The following RNF121 variants were observed in gnomAD, a reference collection of about 807,000 sequenced individuals.
RNF121 encodes E3 ubiquitin ligase RNF121.
A neutral mutation model predicts 46.5 loss-of-function variants in RNF121; 21 were observed. The ratio of observed to expected loss-of-function variants is 0.45; its 90% CI spans 0.32 to 0.65. RNF121 has a LOEUF of 0.65. RNF121 is among the 30% of genes least tolerant of loss of function. The probability of loss-of-function intolerance (pLI) is 0.04; values close to 1 mark genes in which losing one functional copy is unlikely to be tolerated. For synonymous variants in RNF121, 139 were observed against 144.7 expected, an observed-to-expected ratio of 0.96 and a Z score of 0.28; for missense variants, 346 against 416.0, an observed-to-expected ratio of 0.83 and a Z score of 1.46.
At chr11:71,941,657 A>T (rs2134153256) in intron 1 of RNF121, among the ~76,000 whole-genome samples, 1 of 152,368 alleles carries the variant, frequency 6.6e-6, no homozygotes, top group South Asian at 2.1e-4. Flanking sequence ...AAAGCCTCTG[A>T]GGAAATGCTA....
At chr11:71,995,341 C>A in intron 7 of RNF121, 109 bp from the exon 8 acceptor site, 1 of 828,244 alleles carries the variant, frequency 1.2e-6, no homozygotes, top group Non-Finnish European at 2.0e-6. Flanking sequence ...ACTTGCCCAA[C>A]ATTACAGAGC....
intron 1 of RNF121, among the ~76,000 whole-genome samples, chr11:71,949,396 C>A (rs1050888341): frequency 6.6e-6 from 1 of 151,946 alleles, no homozygotes; most frequent in East Asian, 1.9e-4. Flanking sequence ...CCAGCTTGGG[C>A]GACAGAGTGA....
At position 71,982,887 on chromosome 11, in the gene RNF121, C is replaced by T. The variant is rs1954692420; in HGVS notation, c.370C>T (p.Arg124Ter). The T allele has an allele frequency of 6.2e-7, 1 of 1,612,694 alleles. No homozygotes were observed. The highest frequency in any genetic ancestry group is 8.5e-7 in the Non-Finnish European group (1 of 1,179,332). The change falls in exon 4 of 9, where the codon CGA (arginine) becomes TGA (stop). Residue 124 changes from arginine to a stop codon, truncating the protein, a stop_gained. Coordinates refer to ENST00000361756, the MANE Select transcript of RNF121 (RefSeq NM_018320.5). LOFTEE classifies it high-confidence loss of function. The stretch of plus-strand genomic sequence containing the variant: ...AGCCTTTGTTACCTTCCGAGCCACC[C>T]GAAAACCTCTAGTACAGACAACCCC... ...VTAFVTFRATRKPLVQTTPRL... is the reference protein window; with the variant it reads ...VTAFVTFRAT
intron 3 of RNF121, among the ~76,000 whole-genome samples, chr11:71,973,186 CAA>C (rs112904022): frequency 1.5e-5 from 2 of 135,904 alleles, no homozygotes. Flanking sequence ...AACTCCATCT[CAA>C]AAAAAAAAAA....
chr11:71,965,254 ATT>A (rs10707525), intron 3 of RNF121, among the ~76,000 whole-genome samples: 1,037 of 141,346 alleles, frequency 7.3e-3, no homozygotes, highest in African/African-American at 6.7e-3. Flanking sequence ...CTGCATAGTA[ATT>A]TTTTTTTTTT....
At chr11:71,984,745 ATTTTTTTT>A (rs56134788) in intron 4 of RNF121, among the ~76,000 whole-genome samples, 11 of 94,864 alleles carry the variant, frequency 1.2e-4, no homozygotes, top group East Asian at 1.1e-3. Flanking sequence ...CACCCGGCTA[ATTTTTTTT>A]TTTTTTTTTT....
At chr11:71,991,008 G>GA (rs1954854176) in intron 6 of RNF121, among the ~76,000 whole-genome samples, 1 of 152,122 alleles carries the variant, frequency 6.6e-6, no homozygotes, top group Admixed American at 6.5e-5. Context: ...TTATAAGTGG[G>GA]AACTAAACAT....
chr11:71,993,708 C>T lies in RNF121; in HGVS notation c.628-1011C>T, dbSNP rs191150749. On this transcript the variant is annotated intron_variant, in intron 6 of 8. Coordinates refer to ENST00000361756, the MANE Select transcript of RNF121 (RefSeq NM_018320.5). ...AGTTTCATATCTTTTGGGTTTATAC[C>T]GAGAATGGAATTGCTTGGTCATTTG... 1.2e-3 allele frequency among the ~76,000 whole-genome samples: 175 copies of T among 152,080 alleles called. 1 individual carries two copies. The highest frequency in any genetic ancestry group is 4.2e-3 in the African/African-American group (173 of 41,478).
chr11:71,949,295 A>G (rs942694130), intron 1 of RNF121, among the ~76,000 whole-genome samples: 6 of 151,720 alleles, frequency 4.0e-5, no homozygotes, highest in African/African-American at 1.2e-4. Flanking sequence ...GCACGTGCCT[A>G]TAGTCCCAGC....
Position 71,939,236 on chromosome 11 carries a change from A to G in RNF121, c.63+10112A>G. 2.6e-5 allele frequency: 5 copies of G among 192,852 alleles called. No homozygotes were observed. In the South Asian group the frequency reaches 4.4e-4, roughly 17 times the overall value. The allele number at this position is 192,852 out of a possible 1,614,324, so 11.9% of individuals were successfully genotyped here. On this transcript the variant is annotated intron_variant, in intron 1 of 8. Coordinates refer to ENST00000361756, the MANE Select transcript of RNF121 (RefSeq NM_018320.5). ...ACTGTTAAGTTCAGCATTACTCTGC[A>G]TTTTTAAGCATGTGCAGCAAAAATT...
intron 3 of RNF121, among the ~76,000 whole-genome samples, chr11:71,963,330 T>G (rs1016807233): frequency 6.6e-6 from 1 of 152,128 alleles, no homozygotes; most frequent in Non-Finnish European, 1.5e-5. Context: ...TTTGAAGAGT[T>G]TCATAGTCTT....
At chr11:71,949,193 G>A (rs990992954) in intron 1 of RNF121, among the ~76,000 whole-genome samples, 13 of 152,088 alleles carry the variant, frequency 8.5e-5, no homozygotes, top group Non-Finnish European at 1.6e-4. Context: ...TGGGGTGAGC[G>A]GGTCACTTGA....
At chr11:71,940,840 G>A (rs1261619703) in intron 1 of RNF121, among the ~76,000 whole-genome samples, 1 of 152,214 alleles carries the variant, frequency 6.6e-6, no homozygotes, top group Non-Finnish European at 1.5e-5. Context: ...AAGACTTAAT[G>A]GAGAAGATGT....
At position 71,997,355 on chromosome 11, in the gene RNF121, C is replaced by G. The variant is rs982239457; in HGVS notation, c.*1040C>G. ...GATTTTTGTCATTCATGGGTCCTCC[C>G]TGGGCCTGACAACGGGAGTGGTGGG... On this transcript the variant is annotated 3_prime_UTR_variant, in exon 9 of 9. Transcript: ENST00000361756. 1.3e-5 allele frequency: 2 copies of G among 152,184 alleles called. No individual in the cohort carries two copies. The highest frequency in any genetic ancestry group is 4.8e-5 in the African/African-American group (2 of 41,432). 9.4% of individuals were successfully genotyped at this position (152,184 alleles called of 1,614,324 possible).
intron 1 of RNF121, among the ~76,000 whole-genome samples, chr11:71,933,171 G>T (rs1211487237): frequency 6.6e-6 from 1 of 152,164 alleles, no homozygotes; most frequent in African/African-American, 2.4e-5. Context: ...CACCCTTTTG[G>T]CACAGAAAGC....
intron 3 of RNF121, among the ~76,000 whole-genome samples, chr11:71,981,935 A>G (rs1259717888): frequency 6.6e-6 from 1 of 152,222 alleles, no homozygotes; most frequent in Admixed American, 6.5e-5. Context: ...GTTAGAAAAG[A>G]AAATGCGTTT....
intron 3 of RNF121, among the ~76,000 whole-genome samples, chr11:71,975,187 A>G (rs1322067771): frequency 1.3e-5 from 2 of 152,330 alleles, no homozygotes; most frequent in African/African-American, 2.4e-5. Context: ...TATTAGGATT[A>G]CTAGAATGTG....
Position 71,995,366 on chromosome 11 carries a change from G to A in RNF121, c.762-84G>A, listed in dbSNP as rs908577747. On this transcript the variant is annotated intron_variant, in intron 7 of 8. Coordinates refer to ENST00000361756, the MANE Select transcript of RNF121 (RefSeq NM_018320.5). The stretch of plus-strand genomic sequence containing the variant: ...CATTACAGAGCTGATAAAGAGCGAA[G>A]GCAGGATTTGAACCTTTCAAAGACT... The A allele has an allele frequency of 3.7e-6, 4 of 1,070,580 alleles. No individual in the cohort carries two copies. In the African/African-American group the frequency reaches 6.3e-5, roughly 17 times the overall value. 66.3% of individuals were successfully genotyped at this position (1,070,580 alleles called of 1,614,324 possible).
chr11:71,980,738 A>G (rs1392665325), intron 3 of RNF121, among the ~76,000 whole-genome samples: 1 of 152,138 alleles, frequency 6.6e-6, no homozygotes, highest in Middle Eastern at 3.2e-3. Context: ...TGCACTACCT[A>G]TTATGGTAGC....
Sources: allele counts gnomAD v4.1 joint callset (sites outside exome capture counted in the v4.1 genomes callset), GRCh38; gene constraint gnomAD v4.1.1; transcripts MANE v1.5; gene names NCBI Gene and HGNC (gene_info 2026-07-23, HGNC 2026-07-21).